The following AP2B1 variants were observed in gnomAD, a reference collection of about 807,000 sequenced individuals.
The protein encoded by AP2B1 is adaptor related protein complex 2 subunit beta 1.
In AP2B1, 23 loss-of-function variants were observed where a neutral mutation model predicts 102.0. That is an observed-to-expected ratio of 0.23 (90% CI 0.16 to 0.32). The LOEUF is 0.32. Ranked by LOEUF, AP2B1 falls within the 10% of genes least tolerant of loss-of-function variation. The pLI, the probability that AP2B1 is intolerant of heterozygous loss-of-function variation, is 1.00. For synonymous variants in AP2B1, 381 were observed against 421.2 expected (o/e 0.90, Z 1.17); for missense variants, 541 against 1,157.4 (o/e 0.47, Z 7.73).
intron 6 of AP2B1, among the ~76,000 whole-genome samples, chr17:35,625,569 G>A (rs1452282574): frequency 6.6e-6 from 1 of 152,058 alleles, no homozygotes; most frequent in East Asian, 1.9e-4. Flanking sequence ...AGGCTCTGAG[G>A]ATACAGCAGT....
rs2074705393 is a variant in AP2B1 at position 35,639,467 on chromosome 17, G to T, written c.1272-128G>T. 2.2e-5 allele frequency: 15 copies of T among 690,110 alleles called. No individual in the cohort carries two copies. The South Asian group carries it at 3.3e-4, about 15-fold the overall frequency. 42.7% of individuals were successfully genotyped at this position (690,110 alleles called of 1,614,324 possible). On this transcript the variant is annotated intron_variant, in intron 10 of 21. Transcript: ENST00000610402. Reference sequence around the variant, plus strand: ...TGACTTAAAACCTATTCATTCTCTTGACTAAAAGCTTTTACAGTTTGGTGG... The same window carrying T: ...TGACTTAAAACCTATTCATTCTCTTTACTAAAAGCTTTTACAGTTTGGTGG...
At chr17:35,670,220 C>T (rs1423291897) in intron 14 of AP2B1, among the ~76,000 whole-genome samples, 1 of 152,194 alleles carries the variant, frequency 6.6e-6, no homozygotes, top group Non-Finnish European at 1.5e-5. Context: ...AGATTTGAAG[C>T]ACTGCATGCT....
intron 13 of AP2B1, among the ~76,000 whole-genome samples, chr17:35,656,764 A>G (rs375090988): frequency 6.6e-6 from 1 of 151,862 alleles, no homozygotes; most frequent in African/African-American, 2.4e-5. Context: ...GGGCGCCTGT[A>G]GTCCCAACTA....
chr17:35,596,992 C>T, intron 2 of AP2B1: 1 of 655,292 alleles, frequency 1.5e-6, no homozygotes, highest in Non-Finnish European at 2.9e-6. Flanking sequence ...GGAGAGGAGC[C>T]TGGCGCCTGC....
rs375703996 is a variant in AP2B1 at position 35,710,218 on chromosome 17, C to G, written c.2540-16C>G. 100 of 1,587,728 alleles carry G rather than the reference C, an allele frequency of 6.3e-5. No homozygotes were observed. The highest frequency in any genetic ancestry group is 8.4e-5 in the Non-Finnish European group (97 of 1,156,332). On this transcript the variant is annotated splice_polypyrimidine_tract_variant and intron_variant, in intron 19 of 21. Transcript: ENST00000610402. ...GCTTATGCACATCCATCCTTCCCCT[C>G]TGCTTTCCCATACAGAGCGCCAGGT...
chr17:35,671,407 C>G (rs1296403266), intron 15 of AP2B1, among the ~76,000 whole-genome samples: 1 of 152,172 alleles, frequency 6.6e-6, no homozygotes, highest in South Asian at 2.1e-4. Flanking sequence ...ACTTCTCCCT[C>G]TTTCTATAAA....
At chr17:35,680,691 TTTTTTTTTG>T (rs2075801024) in intron 17 of AP2B1, among the ~76,000 whole-genome samples, 1 of 42,064 alleles carries the variant, frequency 2.4e-5, no homozygotes, top group Non-Finnish European at 4.1e-5. Flanking sequence ...TTTTGGTTTT[TTTTTTTTTG>T]TTTTTTTTTT....
At chr17:35,588,532 C>T (rs1031169349) in intron 1 of AP2B1, 1 of 152,166 alleles carries the variant, frequency 6.6e-6, no homozygotes, top group South Asian at 2.1e-4. Flanking sequence ...ATGCATTAAG[C>T]TTAGAAAGGC....
intron 18 of AP2B1, among the ~76,000 whole-genome samples, chr17:35,687,538 C>T (rs1384206464): frequency 6.6e-6 from 1 of 151,144 alleles, no homozygotes; most frequent in Non-Finnish European, 1.5e-5. Context: ...AATCAGTGTT[C>T]AATGTTTACA....
At chr17:35,597,316 A>G (rs1406364217) in intron 2 of AP2B1, among the ~76,000 whole-genome samples, 1 of 152,114 alleles carries the variant, frequency 6.6e-6, no homozygotes, top group African/African-American at 2.4e-5. Context: ...CGTTTCTTTT[A>G]AACAATATTA....
chr17:35,711,307 A>G (rs1347923611), intron 20 of AP2B1, among the ~76,000 whole-genome samples: 3 of 151,692 alleles, frequency 2.0e-5, no homozygotes, highest in Admixed American at 6.6e-5. Context: ...TTACTCCTGC[A>G]TACATTGGTG....
chr17:35,605,887 G>A, intron 4 of AP2B1, 47 bp downstream of exon 4: 1 of 1,588,212 alleles, frequency 6.3e-7, no homozygotes, highest in Non-Finnish European at 8.6e-7. Context: ...TTGCAAATAA[G>A]TAACCTCTGT....
chr17:35,666,481 C>T (rs149540496), intron 14 of AP2B1, among the ~76,000 whole-genome samples: 582 of 152,266 alleles, frequency 3.8e-3, no homozygotes, highest in African/African-American at 0.013. Context: ...CTGTTCAATT[C>T]TCAGTATTTG....
At chr17:35,663,422 A>G (rs764300055) in intron 14 of AP2B1, among the ~76,000 whole-genome samples, 3 of 152,204 alleles carry the variant, frequency 2.0e-5, no homozygotes, top group Non-Finnish European at 4.4e-5. Flanking sequence ...AAGGTCATAC[A>G]GTAAGTTGCA....
At chr17:35,654,567 C>T (rs1003735500) in intron 13 of AP2B1, among the ~76,000 whole-genome samples, 2 of 152,036 alleles carry the variant, frequency 1.3e-5, no homozygotes, top group East Asian at 1.9e-4. Flanking sequence ...TCTCTTCACC[C>T]GTAAGTACTG....
At chr17:35,601,837 G>A (rs1411858056) in intron 3 of AP2B1, among the ~76,000 whole-genome samples, 1 of 151,198 alleles carries the variant, frequency 6.6e-6, no homozygotes, top group Non-Finnish European at 1.5e-5. Flanking sequence ...CAGCGCAATG[G>A]CGTGATCTTG....
chr17:35,667,077 A>G (rs2075483741), intron 14 of AP2B1, among the ~76,000 whole-genome samples: 1 of 152,010 alleles, frequency 6.6e-6, no homozygotes. Context: ...TTTTTTCTTG[A>G]TGAGTATCTC....
chr17:35,710,118 G>T, intron 19 of AP2B1, 116 bp from the exon 20 acceptor site: 1 of 739,046 alleles, frequency 1.4e-6, no homozygotes. Flanking sequence ...TTCCCAGCCT[G>T]CTGCTAGCTG....
chr17:35,619,359 C>T (rs1046629352), intron 5 of AP2B1, among the ~76,000 whole-genome samples: 2 of 152,050 alleles, frequency 1.3e-5, no homozygotes, highest in Non-Finnish European at 2.9e-5. Context: ...ATTAAAAATT[C>T]AGGCTGGGTA....
Sources: allele counts gnomAD v4.1 joint callset (sites outside exome capture counted in the v4.1 genomes callset), GRCh38; gene constraint gnomAD v4.1.1; transcripts MANE v1.5; gene names NCBI Gene and HGNC (gene_info 2026-07-23, HGNC 2026-07-21).